Variants in CTNNAL1 observed in about 807,000 individuals in gnomAD.
CTNNAL1 encodes the protein catenin alpha like 1, also known as alpha-catulin.
Under a neutral mutation model 93.6 loss-of-function variants are expected in CTNNAL1, and 69 were observed. The observed-to-expected ratio is 0.74, with a 90% CI of 0.61 to 0.90. CTNNAL1 has a LOEUF of 0.90. Ranked by LOEUF, CTNNAL1 falls within the 40% of genes least tolerant of loss-of-function variation. The pLI is 0.00. For missense variants in CTNNAL1, 836 were observed against 862.0 expected, an observed-to-expected ratio of 0.97 and a Z score of 0.38; for synonymous variants, 286 against 305.4, an observed-to-expected ratio of 0.94 and a Z score of 0.66.
chr9:108,944,621 C>T (rs1830347004), intron 15 of CTNNAL1, among the ~76,000 whole-genome samples: 2 of 152,070 alleles, frequency 1.3e-5, no homozygotes, highest in Admixed American at 6.5e-5. Flanking sequence ...ACAGGTAAGA[C>T]AGAAGTATTT....
intron 8 of CTNNAL1, among the ~76,000 whole-genome samples, chr9:108,973,297 G>A (rs1831170012): frequency 6.6e-6 from 1 of 152,138 alleles, no homozygotes; most frequent in Non-Finnish European, 1.5e-5. Context: ...AATATTTAGA[G>A]TACTAAGAAA....
At chr9:108,961,171 T>A (rs750726849) in intron 11 of CTNNAL1, among the ~76,000 whole-genome samples, 6 of 152,166 alleles carry the variant, frequency 3.9e-5, no homozygotes, top group Non-Finnish European at 8.8e-5. Context: ...TCAACAATAG[T>A]CATAACAGGA....
rs185296234 is a variant in CTNNAL1 at position 108,963,057 on chromosome 9, T to G, written c.1591+2321A>C. Among the ~76,000 whole-genome samples, 413 of 152,276 alleles carry G rather than the reference T, an allele frequency of 2.7e-3. 5 individuals are homozygous for G. The highest frequency in any genetic ancestry group is 4.8e-3 in the Non-Finnish European group (326 of 68,018). On this transcript the variant is annotated intron_variant, in intron 11 of 18. Coordinates refer to ENST00000325551, the MANE Select transcript of CTNNAL1 (RefSeq NM_003798.4). ...ATGCAACTTGGGTTTGTTTTCTGTT[T>G]TAAGGAAAAAAATTACTTATATTTA... is the stretch of plus-strand genomic sequence containing the variant.
intron 15 of CTNNAL1, among the ~76,000 whole-genome samples, chr9:108,945,776 G>GT (rs1308145130): frequency 4.6e-5 from 7 of 151,998 alleles, no homozygotes; most frequent in African/African-American, 1.7e-4. Context: ...TGCCCAGACT[G>GT]TTTTTACTGT....
chr9:108,983,026 C>T (rs1277458495), intron 6 of CTNNAL1, 119 bp downstream of exon 6: 5 of 929,956 alleles, frequency 5.4e-6, no homozygotes, highest in African/African-American at 1.7e-5. Context: ...TGCAGTGAGC[C>T]GAGATCACAC....
intron 4 of CTNNAL1, among the ~76,000 whole-genome samples, chr9:108,985,235 G>T (rs1192271968): frequency 1.3e-5 from 2 of 152,144 alleles, no homozygotes; most frequent in African/African-American, 4.8e-5. Context: ...GAGCTATATG[G>T]TCTCCATCAC....
chr9:108,993,175 A>G (rs1831878273), intron 2 of CTNNAL1, among the ~76,000 whole-genome samples: 1 of 152,150 alleles, frequency 6.6e-6, no homozygotes, highest in Non-Finnish European at 1.5e-5. Context: ...CTAAAACCCG[A>G]GCAGTAAGCA....
intron 3 of CTNNAL1, 147 bp downstream of exon 3, chr9:108,992,485 A>G: frequency 2.0e-6 from 2 of 1,025,048 alleles, no homozygotes; most frequent in South Asian, 1.9e-5. Flanking sequence ...TCAGTGTGTC[A>G]ATGTATCCTG....
rs113171355 is a variant in CTNNAL1 at position 108,976,593 on chromosome 9, C to T, written c.1188+369G>A. Among the ~76,000 whole-genome samples the T allele has an allele frequency of 3.0e-3, 461 of 151,926 alleles. 2 individuals carry two copies. The highest frequency in any genetic ancestry group is 0.01 in the African/African-American group (434 of 41,424). ...GCACCCAGGCTGAAGTGCAGTAGCG[C>T]GATCATGGCTCACTGCAGCCTTGAG... is the stretch of plus-strand genomic sequence containing the variant. On this transcript the variant is annotated intron_variant, in intron 8 of 18. Transcript: ENST00000325551.
intron 7 of CTNNAL1, among the ~76,000 whole-genome samples, chr9:108,978,259 G>A (rs933894316): frequency 2.0e-5 from 3 of 152,298 alleles, no homozygotes; most frequent in African/African-American, 7.2e-5. Flanking sequence ...TCTCTCACAC[G>A]ACTATACTCT....
At chr9:108,972,864 G>GGGGGGGGGGGGAGA in intron 8 of CTNNAL1, 31 bp from the exon 9 acceptor site, 1 of 142,590 alleles carries the variant, frequency 7.0e-6, no homozygotes, top group Non-Finnish European at 1.0e-5. Flanking sequence ...GGGGGGGTGG[G>GGGGGGGGGGGGAGA]AGGGTGGAGA....
chr9:108,975,030 G>T (rs1831224109), intron 8 of CTNNAL1, among the ~76,000 whole-genome samples: 1 of 151,964 alleles, frequency 6.6e-6, no homozygotes, highest in Non-Finnish European at 1.5e-5. Flanking sequence ...GGGCGTGGTG[G>T]CGTGCATCTG....
At chr9:108,998,524 G>A (rs931396839) in intron 2 of CTNNAL1, among the ~76,000 whole-genome samples, 5 of 151,798 alleles carry the variant, frequency 3.3e-5, no homozygotes, top group Non-Finnish European at 7.4e-5. Context: ...ATCTCCCTAT[G>A]GCCTAAAAGA....
Position 108,990,407 on chromosome 9 carries a change from A to G in CTNNAL1, c.639+319T>C, listed in dbSNP as rs958949739. 1.6e-4 allele frequency among the ~76,000 whole-genome samples: 25 copies of G among 152,222 alleles called. 1 individual carries two copies. Among genetic ancestry groups the G allele is most frequent in the Non-Finnish European group, 5.9e-5 (4 of 68,034 alleles). On this transcript the variant is annotated intron_variant, in intron 4 of 18. Coordinates refer to ENST00000325551, the MANE Select transcript of CTNNAL1 (RefSeq NM_003798.4). ...ACTCAATTTTATGTGCCTGAGCCCTAGTAGAGGAATCAAATGGAAAGCTTC... is the reference window on the plus strand; with the variant it reads ...ACTCAATTTTATGTGCCTGAGCCCTGGTAGAGGAATCAAATGGAAAGCTTC...
At chr9:108,960,776 T>C (rs1284060376) in intron 11 of CTNNAL1, among the ~76,000 whole-genome samples, 1 of 152,176 alleles carries the variant, frequency 6.6e-6, no homozygotes, top group African/African-American at 2.4e-5. Flanking sequence ...CTGACACATA[T>C]TCACCACTAA....
intron 2 of CTNNAL1, among the ~76,000 whole-genome samples, chr9:108,998,369 TCTC>T (rs1381859165): frequency 6.6e-6 from 1 of 150,708 alleles, no homozygotes; most frequent in Admixed American, 6.6e-5. Flanking sequence ...CCTTCATTGT[TCTC>T]CTAACTCTTA....
Position 108,977,043 on chromosome 9 carries a change from G to A in CTNNAL1, c.1107C>T (p.Ser369=). The change falls in exon 8 of 19, where the codon AGC becomes AGT. Residue 369 remains serine (S), a synonymous_variant. Transcript: ENST00000325551. The part of the protein sequence containing the change: ...QLISVWIQAQ[S]KKTKSIAEEL... ...CTTCAGCGATGCTTTTTGTTTTCTT[G>A]CTTTGCTAAAAATTTTAAAAAGTAT... The A allele has an allele frequency of 6.6e-7, 1 of 1,507,400 alleles. No homozygotes were observed. 93.4% of individuals were successfully genotyped at this position (1,507,400 alleles called of 1,614,324 possible). A position where few individuals can be genotyped will look rare whatever the true frequency, so the allele number is the denominator to read the frequency against.
rs905767697 is a variant in CTNNAL1 at position 108,990,989 on chromosome 9, G to T, written c.520-144C>A. On this transcript the variant is annotated intron_variant, in intron 3 of 18. Coordinates refer to ENST00000325551, the MANE Select transcript of CTNNAL1 (RefSeq NM_003798.4). ...GGAGCCAGATAGAAGACACACAAGG[G>T]GATGCTCAGAGAAGTAGAAGTAGAT... 3 of 836,304 alleles carry T rather than the reference G, an allele frequency of 3.6e-6. No homozygotes were observed. The African/African-American group carries it at 5.2e-5, about 14-fold the overall frequency. The allele number at this position is 836,304 out of a possible 1,614,324, so 51.8% of individuals were successfully genotyped here. A position where few individuals can be genotyped will look rare whatever the true frequency, so the allele number is the denominator to read the frequency against.
rs1326319294 is a variant in CTNNAL1 at position 108,994,492 on chromosome 9, G to A, written c.332-1673C>T. 2.0e-5 allele frequency among the ~76,000 whole-genome samples: 3 copies of A among 152,268 alleles called. No individual in the cohort carries two copies. The East Asian group carries it at 5.8e-4, about 29-fold the overall frequency. Reference sequence around the variant, plus strand: ...CCTAAGTTGCTTAAAGAAAATCGAAGGGCATTGGAAGAGAGATGATAATTT... The same window carrying A: ...CCTAAGTTGCTTAAAGAAAATCGAAAGGCATTGGAAGAGAGATGATAATTT... On this transcript the variant is annotated intron_variant, in intron 2 of 18. Transcript: ENST00000325551.
Sources: gnomAD v4.1 joint callset for allele counts (sites outside exome capture counted in the v4.1 genomes callset) on GRCh38, gnomAD v4.1.1 for gene constraint, MANE v1.5 for transcripts, NCBI Gene and HGNC (gene_info 2026-07-23, HGNC 2026-07-21) for gene names.